Variants in CHCHD6 observed in about 807,000 individuals in gnomAD.
CHCHD6 encodes MICOS complex subunit MIC25.
A neutral mutation model predicts 32.3 loss-of-function variants in CHCHD6; 28 were observed. The observed-to-expected ratio is 0.87, with a 90% confidence interval of 0.64 to 1.19. The LOEUF (loss-of-function observed/expected upper bound fraction) is 1.19. CHCHD6 is among the 50% of genes most tolerant of loss of function. CHCHD6 has a pLI of 0.00. For synonymous variants in CHCHD6, 122 were observed against 117.5 expected, an observed-to-expected ratio of 1.04 and a Z score of -0.25; for missense variants, 333 against 307.0, an observed-to-expected ratio of 1.08 and a Z score of -0.63.
chr3:126,730,111 CAGGT>C (rs1223327737), intron 2 of CHCHD6, among the ~76,000 whole-genome samples: 1 of 152,110 alleles, frequency 6.6e-6, no homozygotes, highest in African/African-American at 2.4e-5. Flanking sequence ...TGTGCAGACT[CAGGT>C]GGGTACTAAG....
chr3:126,725,565 C>T (rs1935491289), intron 1 of CHCHD6, among the ~76,000 whole-genome samples: 1 of 152,222 alleles, frequency 6.6e-6, no homozygotes, highest in Admixed American at 6.5e-5. Flanking sequence ...TACCCCCTAA[C>T]AAGAGAGTCA....
chr3:126,849,071 C>A, intron 4 of CHCHD6, among the ~76,000 whole-genome samples: 1 of 152,290 alleles, frequency 6.6e-6, no homozygotes, highest in Middle Eastern at 3.4e-3. Flanking sequence ...CATTTGTGGT[C>A]CAGGGGCGGG....
chr3:126,940,611 A>G (rs918823694), intron 6 of CHCHD6, among the ~76,000 whole-genome samples: 2 of 152,220 alleles, frequency 1.3e-5, no homozygotes, highest in Non-Finnish European at 2.9e-5. Context: ...ATACAGGTTT[A>G]TATGCTTACA....
chr3:126,875,860 A>G (rs1472337065), intron 5 of CHCHD6, among the ~76,000 whole-genome samples: 3 of 152,274 alleles, frequency 2.0e-5, no homozygotes, highest in Admixed American at 6.5e-5. Context: ...GAATATTGCC[A>G]TGAAAACCTG....
chr3:126,946,850 C>G (rs764767747), intron 6 of CHCHD6, among the ~76,000 whole-genome samples: 1 of 152,204 alleles, frequency 6.6e-6, no homozygotes, highest in African/African-American at 2.4e-5. Context: ...GTATTCACCC[C>G]CCTGCTGATG....
chr3:126,758,809 A>G (rs936588507), intron 4 of CHCHD6, among the ~76,000 whole-genome samples: 1 of 152,136 alleles, frequency 6.6e-6, no homozygotes, highest in South Asian at 2.1e-4. Flanking sequence ...CTCCTCTCTC[A>G]TTACCTCCAG....
At chr3:126,717,060 C>G (rs1935053066) in intron 1 of CHCHD6, among the ~76,000 whole-genome samples, 1 of 152,206 alleles carries the variant, frequency 6.6e-6, no homozygotes, top group African/African-American at 2.4e-5. Flanking sequence ...CAGAGCAGCA[C>G]AGCAGTTAAG....
At chr3:126,727,315 T>C (rs1935582051) in intron 2 of CHCHD6, 129 bp downstream of exon 2, 1 of 521,074 alleles carries the variant, frequency 1.9e-6, no homozygotes, top group Non-Finnish European at 3.4e-6. Context: ...CAGCTCTGTC[T>C]GGTAAGGGCT....
intron 4 of CHCHD6, among the ~76,000 whole-genome samples, chr3:126,764,692 C>T (rs1343946335): frequency 6.6e-6 from 1 of 152,216 alleles, no homozygotes; most frequent in African/African-American, 2.4e-5. Context: ...GACCACAACT[C>T]AAAGGAGAGA....
chr3:126,936,281 C>T (rs781246376), intron 6 of CHCHD6, among the ~76,000 whole-genome samples: 4 of 151,886 alleles, frequency 2.6e-5, no homozygotes, highest in Admixed American at 6.6e-5. Context: ...CCTTGCAGAG[C>T]GAAGGGGAGG....
intron 4 of CHCHD6, among the ~76,000 whole-genome samples, chr3:126,801,221 G>A (rs983942871): frequency 1.4e-4 from 22 of 152,198 alleles, no homozygotes; most frequent in Non-Finnish European, 2.1e-4. Context: ...CAGGACAGGC[G>A]GTGCAGCGCA....
intron 4 of CHCHD6, among the ~76,000 whole-genome samples, chr3:126,785,651 A>G (rs1373214122): frequency 6.6e-6 from 1 of 152,226 alleles, no homozygotes; most frequent in Non-Finnish European, 1.5e-5. Flanking sequence ...TACATTAACT[A>G]GCATTAAGTA....
chr3:126,803,931 G>T (rs148863502), intron 4 of CHCHD6, among the ~76,000 whole-genome samples: 2 of 152,098 alleles, frequency 1.3e-5, no homozygotes, highest in Non-Finnish European at 1.5e-5. Flanking sequence ...GCTCAACTAC[G>T]TGGAAACTGA....
At chr3:126,922,764 CT>C (rs2078270859) in intron 6 of CHCHD6, among the ~76,000 whole-genome samples, 1 of 152,106 alleles carries the variant, frequency 6.6e-6, no homozygotes, top group Non-Finnish European at 1.5e-5. Flanking sequence ...GCTGTGGCAT[CT>C]TATGCAGGCA....
At chr3:126,840,617 A>G (rs1022057179) in intron 4 of CHCHD6, among the ~76,000 whole-genome samples, 5 of 152,160 alleles carry the variant, frequency 3.3e-5, no homozygotes, top group African/African-American at 4.8e-5. Flanking sequence ...GCCTTTTTAT[A>G]TTAAAAATCT....
At chr3:126,710,748 G>A (rs1480185446) in intron 1 of CHCHD6, among the ~76,000 whole-genome samples, 1 of 152,054 alleles carries the variant, frequency 6.6e-6, no homozygotes, top group Non-Finnish European at 1.5e-5. Context: ...CTAATGTATA[G>A]AAATATAGTT....
At chr3:126,938,273 C>G (rs1211116468) in intron 6 of CHCHD6, among the ~76,000 whole-genome samples, 1 of 152,200 alleles carries the variant, frequency 6.6e-6, no homozygotes, top group Non-Finnish European at 1.5e-5. Context: ...AGAGCGACAG[C>G]TGGAGGGAAC....
chr3:126,832,426 A>T (rs1940683266), intron 4 of CHCHD6, among the ~76,000 whole-genome samples: 1 of 151,990 alleles, frequency 6.6e-6, no homozygotes, highest in African/African-American at 2.4e-5. Flanking sequence ...CGTCTCTACC[A>T]TCTCCATAAC....
intron 4 of CHCHD6, among the ~76,000 whole-genome samples, chr3:126,832,015 A>T (rs1185439443): frequency 6.6e-6 from 1 of 152,204 alleles, no homozygotes; most frequent in Middle Eastern, 3.2e-3. Flanking sequence ...TTTGGCCAAC[A>T]GGTGTTGATT....
Sources: gnomAD v4.1 joint callset for allele counts (sites outside exome capture counted in the v4.1 genomes callset) on GRCh38, gnomAD v4.1.1 for gene constraint, MANE v1.5 for transcripts, NCBI Gene and HGNC (gene_info 2026-07-23, HGNC 2026-07-21) for gene names.